Variants in ACVR1C observed in about 807,000 individuals in gnomAD.
ACVR1C encodes activin receptor type-1C.
A neutral mutation model predicts 57.9 loss-of-function variants in ACVR1C; 23 were observed. The ratio of observed to expected loss-of-function variants is 0.40; its 90% CI spans 0.29 to 0.56. The LOEUF (loss-of-function observed/expected upper bound fraction) is 0.56, where lower values mean the gene tolerates loss of function less well. Among genes scored for constraint, ACVR1C ranks in the 20% least tolerant of loss-of-function variants. The probability of loss-of-function intolerance (pLI) is 0.50; values close to 1 mark genes in which losing one functional copy is unlikely to be tolerated. For missense variants in ACVR1C, 480 were observed against 607.9 expected, an observed-to-expected ratio of 0.79 and a Z score of 2.21; for synonymous variants, 214 against 215.3, an observed-to-expected ratio of 0.99 and a Z score of 0.05.
At chr2:157,598,429 T>C (rs1438320037) in intron 1 of ACVR1C, among the ~76,000 whole-genome samples, 1 of 151,750 alleles carries the variant, frequency 6.6e-6, no homozygotes, top group East Asian at 1.9e-4. Context: ...AGTAAAGACA[T>C]AAATCCCAGA....
chr2:157,547,781 T>C (rs1687805638), intron 4 of ACVR1C, among the ~76,000 whole-genome samples: 1 of 151,600 alleles, frequency 6.6e-6, no homozygotes, highest in Non-Finnish European at 1.5e-5. Context: ...CTGTTCACTC[T>C]GATGGTAGTT....
At chr2:157,541,592 C>A (rs1026859636) in intron 6 of ACVR1C, among the ~76,000 whole-genome samples, 1 of 152,168 alleles carries the variant, frequency 6.6e-6, no homozygotes, top group Non-Finnish European at 1.5e-5. Context: ...GGTGTTAGAT[C>A]CCCTGAAGGA....
chr2:157,624,275 T>A (rs953203554), intron 1 of ACVR1C, among the ~76,000 whole-genome samples: 3 of 152,184 alleles, frequency 2.0e-5, no homozygotes, highest in African/African-American at 7.2e-5. Context: ...TATATCAGAA[T>A]AACAGGTCCC....
intron 1 of ACVR1C, among the ~76,000 whole-genome samples, chr2:157,617,748 T>C (rs1426506403): frequency 2.0e-5 from 3 of 151,968 alleles, no homozygotes; most frequent in African/African-American, 7.2e-5. Flanking sequence ...GAAGATAACA[T>C]ATATTAATGG....
rs779973312 is a variant in ACVR1C, at chr2:157,534,009, C to T, written c.1391G>A (p.Cys464Tyr). ...GCGGGCCGCTCCGTTGGCATACCAA[C>T]ACTCACGCATTATTCTCCCCATGAC... The part of the protein sequence containing the change: ...LRVMGRIMRE[C>Y]WYANGAARLT... The change falls in exon 9 of 9, where the codon TGT (cysteine) becomes TAT (tyrosine). Residue 464 changes from cysteine (C) to tyrosine (Y), a missense_variant. Coordinates refer to ENST00000243349, the MANE Select transcript of ACVR1C (RefSeq NM_145259.3). 6.3e-7 allele frequency: 1 copy of T among 1,590,190 alleles called. No individual in the cohort carries two copies. The highest frequency in any genetic ancestry group is 8.5e-7 in the Non-Finnish European group (1 of 1,170,350).
intron 3 of ACVR1C, among the ~76,000 whole-genome samples, chr2:157,554,295 GAGAA>G (rs1273436477): frequency 2.3e-5 from 3 of 131,530 alleles, no homozygotes; most frequent in Admixed American, 1.5e-4. Context: ...GAGAGAGAGA[GAGAA>G]AGAAAGAAAG....
Position 157,566,489 on chromosome 2 carries a change from G to A in ACVR1C, c.305-10157C>T, listed in dbSNP as rs192309733. Among the ~76,000 whole-genome samples, 926 of 152,304 alleles carry A rather than the reference G, an allele frequency of 6.1e-3. 10 individuals are homozygous for A. The highest frequency in any genetic ancestry group is 0.021 in the African/African-American group (858 of 41,566). ...TACGGAGTGCCAGACAGTGGGCGCA[G>A]GCCAGTGTGTGTGCCCACCGTGCGC... is the stretch of plus-strand genomic sequence containing the variant. On this transcript the variant is annotated intron_variant, in intron 2 of 8. Coordinates refer to ENST00000243349, the MANE Select transcript of ACVR1C (RefSeq NM_145259.3).
At chr2:157,620,716 C>T (rs1441216655) in intron 1 of ACVR1C, among the ~76,000 whole-genome samples, 1 of 151,962 alleles carries the variant, frequency 6.6e-6, no homozygotes, top group Non-Finnish European at 1.5e-5. Flanking sequence ...TTAGCATATC[C>T]ACCACCTCAA....
intron 8 of ACVR1C, among the ~76,000 whole-genome samples, chr2:157,536,769 T>A (rs11886599): frequency 0.011 from 1,624 of 152,220 alleles, 25 homozygotes; most frequent in African/African-American, 0.038. Flanking sequence ...AATGATGGTA[T>A]AAAATGAGGC....
At position 157,627,025 on chromosome 2, in the gene ACVR1C, T is replaced by C. The variant is rs367659670; in HGVS notation, c.73+1547A>G. ...GGCATGTTGCTATGCTCAAGGTCTC[T>C]GAAATTTTCTAAAGATTCTGGGTAT... On this transcript the variant is annotated intron_variant, in intron 1 of 8. Coordinates refer to ENST00000243349, the MANE Select transcript of ACVR1C (RefSeq NM_145259.3). 1.6e-4 allele frequency among the ~76,000 whole-genome samples: 25 copies of C among 152,308 alleles called. No homozygotes were observed. The Middle Eastern group carries it at 0.01, about 62-fold the overall frequency.
intron 2 of ACVR1C, among the ~76,000 whole-genome samples, chr2:157,562,268 C>G (rs1261436917): frequency 1.4e-5 from 2 of 145,916 alleles, no homozygotes; most frequent in South Asian, 2.1e-4. Context: ...GCACTGCAGC[C>G]TAATGACAGA....
chr2:157,628,551 G>A (rs1417751698), intron 1 of ACVR1C, 21 bp downstream of exon 1: 1 of 1,605,008 alleles, frequency 6.2e-7, no homozygotes, highest in African/African-American at 1.3e-5. Flanking sequence ...GCGGGCGTCG[G>A]GAGAGAAACC....
chr2:157,541,303 T>C, intron 6 of ACVR1C, 89 bp from the exon 7 acceptor site: 1 of 1,353,390 alleles, frequency 7.4e-7, no homozygotes. Flanking sequence ...GCTTATGCCA[T>C]TTTAAAAGGC....
Position 157,586,207 on chromosome 2 carries a change from G to C in ACVR1C, c.304+980C>G, listed in dbSNP as rs1314515427. ...TGTTTACATAGTTATCTTCTATTTA[G>C]GGCAAGTACACTGGTTTTTAATTGG... On this transcript the variant is annotated intron_variant, in intron 2 of 8. Coordinates refer to ENST00000243349, the MANE Select transcript of ACVR1C (RefSeq NM_145259.3). Among the ~76,000 whole-genome samples, 5 of 152,044 alleles carry C rather than the reference G, an allele frequency of 3.3e-5. No homozygotes were observed. The South Asian group carries it at 8.3e-4, about 25-fold the overall frequency.
intron 1 of ACVR1C, among the ~76,000 whole-genome samples, chr2:157,603,600 C>T (rs1343446386): frequency 1.3e-5 from 2 of 152,018 alleles, no homozygotes; most frequent in Non-Finnish European, 2.9e-5. Flanking sequence ...CCTAAAAGAA[C>T]AGGTGAGCAA....
intron 1 of ACVR1C, among the ~76,000 whole-genome samples, chr2:157,612,897 A>G (rs1333563209): frequency 6.6e-6 from 1 of 152,212 alleles, no homozygotes; most frequent in African/African-American, 2.4e-5. Flanking sequence ...AATCCAAGTG[A>G]CAGCAGAACT....
intron 3 of ACVR1C, 115 bp from the exon 4 acceptor site, chr2:157,550,507 A>T: frequency 1.0e-6 from 1 of 968,514 alleles, no homozygotes; most frequent in African/African-American, 1.7e-5. Flanking sequence ...TAATAATTTT[A>T]TCTATTTTGA....
chr2:157,586,802 G>T (rs1308545925), intron 2 of ACVR1C, among the ~76,000 whole-genome samples: 1 of 152,054 alleles, frequency 6.6e-6, no homozygotes, highest in Non-Finnish European at 1.5e-5. Flanking sequence ...TTTTAGTTAT[G>T]CTCTTTTTCT....
chr2:157,574,972 T>G (rs1047443335), intron 2 of ACVR1C, among the ~76,000 whole-genome samples: 1 of 152,140 alleles, frequency 6.6e-6, no homozygotes, highest in Non-Finnish European at 1.5e-5. Context: ...TTTATTTAAT[T>G]TTTTTAAGAG....
Sources: allele counts gnomAD v4.1 joint callset (sites outside exome capture counted in the v4.1 genomes callset), GRCh38; gene constraint gnomAD v4.1.1; transcripts MANE v1.5; gene names NCBI Gene and HGNC (gene_info 2026-07-23, HGNC 2026-07-21).